PTPRT: variants seen among roughly 807,000 people sequenced by gnomAD.
PTPRT encodes the protein receptor-type tyrosine-protein phosphatase T.
A neutral mutation model predicts 176.8 loss-of-function variants in PTPRT; 56 were observed. That is an observed-to-expected ratio of 0.32 (90% CI 0.26 to 0.40). The LOEUF is 0.40. Among genes scored for constraint, PTPRT ranks in the 10% least tolerant of loss-of-function variants. The pLI is 1.00. For synonymous variants in PTPRT, 783 were observed against 739.0 expected (o/e 1.06, Z -0.96); for missense variants, 1,540 against 1,908.2 (o/e 0.81, Z 3.60).
chr20:42,966,274 TTTTTA>T (rs1373763625), intron 1 of PTPRT: 20 of 152,240 alleles, frequency 1.3e-4, no homozygotes, highest in African/African-American at 4.3e-4. Context: ...TATTATACCA[TTTTTA>T]TTTTATCTTG....
intron 1 of PTPRT, among the ~76,000 whole-genome samples, chr20:42,954,770 C>T (rs1981514633): frequency 2.6e-5 from 4 of 152,058 alleles, no homozygotes; most frequent in Non-Finnish European, 5.9e-5. Context: ...AGCAATATAT[C>T]CAGGATTTAA....
chr20:42,920,806 G>A (rs990713792), intron 1 of PTPRT, among the ~76,000 whole-genome samples: 1 of 152,198 alleles, frequency 6.6e-6, no homozygotes, highest in Non-Finnish European at 1.5e-5. Context: ...TCTAATCAGT[G>A]CAGAGAACTG....
At chr20:42,756,699 C>G (rs2145407096) in intron 5 of PTPRT, 63 bp from the exon 6 acceptor site, 1 of 1,373,640 alleles carries the variant, frequency 7.3e-7, no homozygotes, top group Non-Finnish European at 9.8e-7. Context: ...TAGGTGACTC[C>G]CAACACGGAT....
chr20:42,634,369 C>T (rs963744317), intron 7 of PTPRT, among the ~76,000 whole-genome samples: 1 of 150,428 alleles, frequency 6.6e-6, no homozygotes, highest in Admixed American at 6.8e-5. Flanking sequence ...GCCTTGAAAG[C>T]TCCATGATAG....
chr20:42,392,827 G>A (rs6102819), intron 9 of PTPRT, among the ~76,000 whole-genome samples: 4,025 of 152,252 alleles, frequency 0.026, 83 homozygotes, highest in Middle Eastern at 0.071. Flanking sequence ...TCGGTTGCTA[G>A]GTTCATGGCT....
chr20:43,118,322 C>T (rs2146354229), intron 1 of PTPRT, among the ~76,000 whole-genome samples: 1 of 152,246 alleles, frequency 6.6e-6, no homozygotes, highest in Admixed American at 6.5e-5. Flanking sequence ...CCAAGAAGCC[C>T]AAGAAAATGT....
In PTPRT at chr20:42,646,496, G is replaced by A. The variant is rs139226415; in HGVS notation, c.1153+31370C>T. Among the ~76,000 whole-genome samples the A allele has an allele frequency of 9.5e-4, 144 of 152,146 alleles. 3 individuals carry two copies. In the East Asian group the frequency reaches 0.024, roughly 25 times the overall value. On this transcript the variant is annotated intron_variant, in intron 7 of 30. Transcript: ENST00000373187. ...CCTTGATGGAAGAAACTTGTCCACC[G>A]AGCCCTAGAGCTGCACTTCCAATAT...
At position 42,626,090 on chromosome 20, in the gene PTPRT, G is replaced by C. The variant is rs536074481; in HGVS notation, c.1153+51776C>G. On this transcript the variant is annotated intron_variant, in intron 7 of 30. Coordinates refer to ENST00000373187, the MANE Select transcript of PTPRT (RefSeq NM_007050.6). Reference sequence around the variant, plus strand: ...GCATGAGACTAACTATCGAGCTTTTGTGTTTTCAGTGACCGTATTTTTCTA... The same window carrying C: ...GCATGAGACTAACTATCGAGCTTTTCTGTTTTCAGTGACCGTATTTTTCTA... Among the ~76,000 whole-genome samples, 4 of 151,994 alleles carry C rather than the reference G, an allele frequency of 2.6e-5. No individual in the cohort carries two copies. In the East Asian group the frequency reaches 7.8e-4, roughly 30 times the overall value.
At chr20:42,993,316 G>A (rs190273309) in intron 1 of PTPRT, among the ~76,000 whole-genome samples, 66 of 149,718 alleles carry the variant, frequency 4.4e-4, no homozygotes, top group Non-Finnish European at 9.0e-4. Context: ...TACTTGGGAG[G>A]CTGAGGCAGG....
chr20:43,132,882 T>C (rs2013690118), intron 1 of PTPRT, among the ~76,000 whole-genome samples: 1 of 152,118 alleles, frequency 6.6e-6, no homozygotes, highest in Non-Finnish European at 1.5e-5. Context: ...TTATATATAG[T>C]TTATATGATA....
intron 4 of PTPRT, among the ~76,000 whole-genome samples, chr20:42,777,533 A>G (rs2077155646): frequency 6.6e-6 from 1 of 152,080 alleles, no homozygotes; most frequent in African/African-American, 2.4e-5. Flanking sequence ...TATTTTCACT[A>G]TCTGAAATTT....
intron 7 of PTPRT, among the ~76,000 whole-genome samples, chr20:42,526,677 G>A (rs1006031887): frequency 2.6e-5 from 4 of 151,850 alleles, no homozygotes; most frequent in African/African-American, 9.7e-5. Context: ...ATAAGTTTTT[G>A]TGTAGAATCT....
intron 1 of PTPRT, among the ~76,000 whole-genome samples, chr20:42,916,776 T>C (rs1202435504): frequency 1.3e-5 from 2 of 152,232 alleles, no homozygotes; most frequent in East Asian, 3.8e-4. Context: ...TTGAGAAGTG[T>C]CTGTTCATAT....
intron 2 of PTPRT, among the ~76,000 whole-genome samples, chr20:42,882,801 A>G (rs2079028704): frequency 6.6e-6 from 1 of 152,362 alleles, no homozygotes; most frequent in Admixed American, 6.5e-5. Flanking sequence ...ACCTGCTGTG[A>G]TGCGTGCTAC....
At chr20:42,490,128 G>C (rs1015705252) in intron 7 of PTPRT, among the ~76,000 whole-genome samples, 1 of 152,114 alleles carries the variant, frequency 6.6e-6, no homozygotes, top group African/African-American at 2.4e-5. Flanking sequence ...CATTTTTATA[G>C]TTATGGCTTA....
intron 9 of PTPRT, among the ~76,000 whole-genome samples, chr20:42,390,188 A>T (rs1024048903): frequency 3.9e-5 from 6 of 152,254 alleles, no homozygotes; most frequent in African/African-American, 1.4e-4. Flanking sequence ...ACTACAAAAA[A>T]TTAAAAAGTT....
chr20:42,593,610 C>T (rs967114718), intron 7 of PTPRT, among the ~76,000 whole-genome samples: 11 of 152,090 alleles, frequency 7.2e-5, no homozygotes, highest in African/African-American at 2.7e-4. Context: ...AAACTCTCAT[C>T]GAAGAGTGGG....
At chr20:42,680,067 C>G (rs1408141093) in intron 6 of PTPRT, among the ~76,000 whole-genome samples, 1 of 152,162 alleles carries the variant, frequency 6.6e-6, no homozygotes, top group African/African-American at 2.4e-5. Context: ...TAGAGGGCCT[C>G]TGGGTTATTC....
At chr20:43,094,604 G>C (rs2012049266) in intron 1 of PTPRT, among the ~76,000 whole-genome samples, 1 of 151,254 alleles carries the variant, frequency 6.6e-6, no homozygotes, top group African/African-American at 2.4e-5. Context: ...CTCCATGTTG[G>C]TCAGGCTGGT....
Sources: allele counts gnomAD v4.1 joint callset (sites outside exome capture counted in the v4.1 genomes callset), GRCh38; gene constraint gnomAD v4.1.1; transcripts MANE v1.5; gene names NCBI Gene and HGNC (gene_info 2026-07-23, HGNC 2026-07-21).